The following COL4A1 variants were observed in gnomAD, a reference collection of about 807,000 sequenced individuals.
The protein encoded by COL4A1 is collagen alpha-1(IV) chain.
Under a neutral mutation model 216.6 loss-of-function variants are expected in COL4A1, and 40 were observed. That is an observed-to-expected ratio of 0.18 (90% CI 0.14 to 0.24). COL4A1 has a LOEUF of 0.24. Ranked by LOEUF, COL4A1 falls within the 10% of genes least tolerant of loss-of-function variation. The pLI is 1.00. For synonymous variants in COL4A1, 839 were observed against 810.7 expected (o/e 1.03, Z -0.59); for missense variants, 1,628 against 2,196.8 (o/e 0.74, Z 5.18).
At chr13:110,155,234 C>T (rs767723534) in intron 50 of COL4A1, 49 bp downstream of exon 50, 5 of 1,383,256 alleles carry the variant, frequency 3.6e-6, no homozygotes, top group African/African-American at 2.8e-5. Context: ...GACTATGGGG[C>T]GTGAGTGGGG....
rs151139591 is a variant in COL4A1 at position 110,200,118 on chromosome 13, G to A, written c.1120+736C>T. Among the ~76,000 whole-genome samples the A allele has an allele frequency of 6.2e-4, 95 of 152,360 alleles. No homozygotes were observed. The East Asian group carries it at 0.016, about 25-fold the overall frequency. ...AAACATCAAAAACAAAGCAAAAAGC[G>A]TAAAGGCTGCGAACACTCCGTTGTG... On this transcript the variant is annotated intron_variant, in intron 20 of 51. Transcript: ENST00000375820.
chr13:110,241,901 G>A (rs1881585207), intron 2 of COL4A1, among the ~76,000 whole-genome samples: 1 of 152,188 alleles, frequency 6.6e-6, no homozygotes, highest in African/African-American at 2.4e-5. Flanking sequence ...ATCCTACAGA[G>A]TATCCACTCC....
At position 110,163,546 on chromosome 13, in the gene COL4A1, A is replaced by C. The variant is rs1357289362; in HGVS notation, c.4166T>G (p.Val1389Gly). 3.1e-6 allele frequency: 5 copies of C among 1,613,894 alleles called. No homozygotes were observed. The African/African-American group carries it at 6.7e-5, about 22-fold the overall frequency. ...AATACCTGGAGGTCCAGGTATACCCACCAATCCTGTAACACCTGAGGCAGA... is the reference window on the plus strand; with the variant it reads ...AATACCTGGAGGTCCAGGTATACCCCCCAATCCTGTAACACCTGAGGCAGA... Reference protein sequence around the residue: ...PKGQQGVTGLVGIPGPPGIPG... With the variant: ...PKGQQGVTGLGGIPGPPGIPG... The change falls in exon 47 of 52, where the codon GTG (valine) becomes GGG (glycine). Residue 1389 changes from valine to glycine, a missense_variant. Physicochemically the swap from Val to Gly is moderately radical, Grantham distance 109. Around this residue, in one of 8 missense-constraint regions of COL4A1, gnomAD observed 345 missense variants for 476.9 expected, o/e 0.72. Transcript: ENST00000375820.
At chr13:110,259,662 C>A (rs1882736010) in intron 1 of COL4A1, among the ~76,000 whole-genome samples, 1 of 152,134 alleles carries the variant, frequency 6.6e-6, no homozygotes, top group South Asian at 2.1e-4. Flanking sequence ...ACAAGTGAAA[C>A]TAAAAGTGTA....
rs146091004 is a variant in COL4A1 at position 110,186,444 on chromosome 13, G to C, written c.1838C>G (p.Pro613Arg). The change falls in exon 26 of 52, where the codon CCC becomes CGC. Residue 613 changes from proline (P) to arginine (R), a missense_variant. Physicochemically the swap from Pro to Arg is moderately radical, Grantham distance 103. This residue lies in a region of COL4A1 where 701 missense variants were observed against 892.5 expected (regional missense o/e 0.79). Coordinates refer to ENST00000375820, the MANE Select transcript of COL4A1 (RefSeq NM_001845.6). ...GCCTGCTTGTCCTTTGTCACCAATG[G>C]GACCAGCAGGACCATATCCTGGAGG... ...PGPPGYGPAG[P>R]IGDKGQAGFP... The C allele has an allele frequency of 6.1e-5, 99 of 1,613,634 alleles. No homozygotes were observed. Among genetic ancestry groups the C allele is most frequent in the Non-Finnish European group, 7.9e-5 (93 of 1,179,982 alleles).
chr13:110,171,287 G>C (rs1877630356), intron 41 of COL4A1, among the ~76,000 whole-genome samples: 2 of 152,172 alleles, frequency 1.3e-5, no homozygotes, highest in South Asian at 4.1e-4. Context: ...CCAGAAGGCA[G>C]ATGGACGGTT....
At chr13:110,299,769 AATCGT>A (rs1884421469) in intron 1 of COL4A1, among the ~76,000 whole-genome samples, 1 of 152,190 alleles carries the variant, frequency 6.6e-6, no homozygotes. Flanking sequence ...TTGCCAGACT[AATCGT>A]AGGGTCCTTA....
At chr13:110,237,537 T>G (rs1035535674) in intron 2 of COL4A1, among the ~76,000 whole-genome samples, 3 of 152,150 alleles carry the variant, frequency 2.0e-5, no homozygotes, top group Non-Finnish European at 2.9e-5. Context: ...CCAAAAATTA[T>G]CCCACTCAAA....
chr13:110,223,304 T>C (rs1318321528), intron 2 of COL4A1, among the ~76,000 whole-genome samples: 1 of 152,196 alleles, frequency 6.6e-6, no homozygotes, highest in Non-Finnish European at 1.5e-5. Context: ...TTCTTTGGTC[T>C]TCTTCCACTA....
intron 41 of COL4A1, among the ~76,000 whole-genome samples, chr13:110,171,785 G>A (rs773260818): frequency 3.9e-5 from 6 of 152,230 alleles, no homozygotes; most frequent in Admixed American, 6.5e-5. Flanking sequence ...GGCAAGGTAG[G>A]AAAGGCAGGG....
chr13:110,191,287 A>T (rs2139178016), intron 24 of COL4A1: 1 of 167,942 alleles, frequency 6.0e-6, no homozygotes, highest in South Asian at 2.0e-4. Context: ...CAATATCTTT[A>T]AAAATTAAAA....
intron 2 of COL4A1, among the ~76,000 whole-genome samples, chr13:110,240,941 C>T (rs902337000): frequency 1.3e-5 from 2 of 152,236 alleles, no homozygotes; most frequent in African/African-American, 4.8e-5. Context: ...GTGTTCTTGG[C>T]TCACTGCAAC....
intron 2 of COL4A1, among the ~76,000 whole-genome samples, chr13:110,235,637 C>T (rs994529099): frequency 3.1e-5 from 4 of 128,018 alleles, no homozygotes; most frequent in South Asian, 2.6e-4. Context: ...CCAGCCTGGG[C>T]GACAGAGTAA....
chr13:110,164,019 C>T (rs1320656615), intron 46 of COL4A1, among the ~76,000 whole-genome samples: 4 of 123,650 alleles, frequency 3.2e-5, no homozygotes, highest in African/African-American at 1.2e-4. Context: ...GACAGGGTCT[C>T]GCTCTGTCAC....
chr13:110,191,704 CAT>C (rs1878635951), intron 24 of COL4A1: 1 of 664,674 alleles, frequency 1.5e-6, no homozygotes, highest in Non-Finnish European at 2.7e-6. Context: ...AGAATAAAAA[CAT>C]ATTTCTAATC....
intron 2 of COL4A1, among the ~76,000 whole-genome samples, chr13:110,240,065 T>C (rs1000997330): frequency 6.6e-6 from 1 of 152,220 alleles, no homozygotes; most frequent in African/African-American, 2.4e-5. Flanking sequence ...GATATAATAC[T>C]AAACCATTTA....
chr13:110,253,387 TAC>T lies in COL4A1; in HGVS notation c.85-10655_85-10654del, dbSNP rs1882310883. ...TACATATACATATAATTATATGTAT[TAC>T]ATATACATATAATTATATGTATTAC... On this transcript the variant is annotated intron_variant, in intron 1 of 51. Transcript: ENST00000375820. Among the ~76,000 whole-genome samples the T allele has an allele frequency of 4.4e-3, 5 of 1,130 alleles. 1 individual carries two copies. Among genetic ancestry groups the T allele is most frequent in the Non-Finnish European group, 0.019 (2 of 106 alleles). The allele number at this position is 1,130 out of a possible 152,430, so 0.7% of individuals were successfully genotyped here.
intron 1 of COL4A1, among the ~76,000 whole-genome samples, chr13:110,296,387 C>T (rs1478358808): frequency 6.6e-6 from 1 of 152,332 alleles, no homozygotes; most frequent in Non-Finnish European, 1.5e-5. Flanking sequence ...ATCCAAGAAG[C>T]TGATCTCTTA....
chr13:110,181,697 C>T (rs1409439402), intron 28 of COL4A1, among the ~76,000 whole-genome samples: 1 of 152,128 alleles, frequency 6.6e-6, no homozygotes, highest in Non-Finnish European at 1.5e-5. Flanking sequence ...CCCCTTGGCG[C>T]CTGCAGGTGA....
Sources: allele counts gnomAD v4.1 joint callset (sites outside exome capture counted in the v4.1 genomes callset), GRCh38; gene constraint gnomAD v4.1.1; regional missense constraint gnomAD v4.1.1; transcripts MANE v1.5; gene names NCBI Gene and HGNC (gene_info 2026-07-23, HGNC 2026-07-21).